The following FANCD2OS variants were observed in gnomAD, a reference collection of about 807,000 sequenced individuals.
FANCD2OS encodes the protein FANCD2 opposite strand.
A neutral mutation model predicts 13.2 loss-of-function variants in FANCD2OS; 11 were observed. The ratio of observed to expected loss-of-function variants is 0.83; its 90% confidence interval spans 0.52 to 1.38. The LOEUF (loss-of-function observed/expected upper bound fraction) is 1.38. FANCD2OS is among the 40% of genes most tolerant of loss of function. The pLI is 0.00. For synonymous variants in FANCD2OS, 69 were observed against 84.5 expected (o/e 0.82, Z 1.01); for missense variants, 217 against 213.9 (o/e 1.01, Z -0.09).
chr3:10,094,178 A>G (rs1242870782), intron 2 of FANCD2OS: 11 of 786,712 alleles, frequency 1.4e-5, no homozygotes, highest in African/African-American at 8.8e-5. Flanking sequence ...TTTGTTTTTT[A>G]TATATATAAA....
exon 3 of FANCD2OS, chr3:10,081,322 T>C (rs970382031): frequency 9.3e-6 from 15 of 1,611,344 alleles, no homozygotes; most frequent in African/African-American, 1.3e-5. Context: ...GAAGCAACTG[T>C]CCTAAAATCA....
chr3:10,090,225 G>T (rs1694502890), intron 2 of FANCD2OS: 5 of 1,214,142 alleles, frequency 4.1e-6, no homozygotes, highest in Non-Finnish European at 6.1e-6. Context: ...TTTGGTTCCT[G>T]GTTCTTCCCA....
rs1167081274 is a variant in FANCD2OS, at chr3:10,105,759, AAAAAAAAAAAAATTATATATATATAT to A, written c.-8-1003_-8-978del. The stretch of plus-strand genomic sequence containing the variant: ...GAGCAAGACTCCATCTAAAAAAAAA[AAAAAAAAAAAAATTATATATATATAT>A]ATATATATATATATATATATATATA... On this transcript the variant is annotated intron_variant, in intron 1 of 1. Transcript: ENST00000450660. Among the ~76,000 whole-genome samples, 35 of 69,186 alleles carry A rather than the reference AAAAAAAAAAAAATTATATATATATAT, an allele frequency of 5.1e-4. 2 individuals carry two copies. In the African/African-American group the frequency reaches 5.1e-3, roughly 10 times the overall value. 45.4% of individuals were successfully genotyped at this position (69,186 alleles called of 152,430 possible).
At chr3:10,090,753 C>T (rs1331011452) in intron 2 of FANCD2OS, among the ~76,000 whole-genome samples, 2 of 152,142 alleles carry the variant, frequency 1.3e-5, no homozygotes, top group Non-Finnish European at 2.9e-5. Context: ...CCACTGCGCC[C>T]GGTGGTAGTT....
At chr3:10,096,865 A>T in intron 2 of FANCD2OS, among the ~76,000 whole-genome samples, 1 of 152,176 alleles carries the variant, frequency 6.6e-6, no homozygotes, top group East Asian at 1.9e-4. Context: ...GTCTTATTCC[A>T]GAAATTACAA....
downstream of FANCD2OS, among the ~76,000 whole-genome samples, chr3:10,103,770 T>G (rs2125109003): frequency 6.6e-6 from 1 of 152,226 alleles, no homozygotes; most frequent in South Asian, 2.1e-4. Flanking sequence ...TAGGGTGTGG[T>G]TGGTTAGGGT....
At chr3:10,098,857 C>T (rs1415649585), downstream of FANCD2OS, 2 of 1,614,194 alleles carry the variant, frequency 1.2e-6, no homozygotes, top group East Asian at 2.2e-5. Flanking sequence ...CTGATGGTTG[C>T]ATTTTGTTAA....
At chr3:10,083,992 A>G (rs544005385) in intron 2 of FANCD2OS, among the ~76,000 whole-genome samples, 161 of 149,346 alleles carry the variant, frequency 1.1e-3, no homozygotes, top group African/African-American at 3.9e-3. Context: ...CTTGTTTCCC[A>G]TGCTTTTGTG....
At chr3:10,102,102 C>T (rs1430248346), downstream of FANCD2OS, among the ~76,000 whole-genome samples, 2 of 150,446 alleles carry the variant, frequency 1.3e-5, no homozygotes, top group African/African-American at 4.9e-5. Context: ...TGAGATATAT[C>T]TGATCTTTCT....
intron 2 of FANCD2OS, among the ~76,000 whole-genome samples, chr3:10,084,235 A>G (rs1273442850): frequency 6.7e-6 from 1 of 148,334 alleles, no homozygotes; most frequent in African/African-American, 2.5e-5. Context: ...CCCGTGATCT[A>G]CCCACCTCAG....
downstream of FANCD2OS, chr3:10,102,925 T>C (rs995727934): frequency 4.4e-6 from 1 of 228,952 alleles, no homozygotes; most frequent in Non-Finnish European, 9.0e-6. Context: ...ATGTAATGTT[T>C]ATTTCCATTT....
intron 2 of FANCD2OS, among the ~76,000 whole-genome samples, chr3:10,096,780 A>G (rs1235819524): frequency 1.3e-5 from 2 of 152,200 alleles, no homozygotes; most frequent in Non-Finnish European, 2.9e-5. Flanking sequence ...AGCCCCACTG[A>G]GGGTAGATTC....
rs1419879344 is a variant in FANCD2OS, at chr3:10,093,325, T to G, written c.*43+10873A>C. The G allele has an allele frequency of 8.1e-6, 13 of 1,610,746 alleles. No individual in the cohort carries two copies. The highest frequency in any genetic ancestry group is 1.0e-5 in the Non-Finnish European group (12 of 1,177,026). On this transcript the variant is annotated intron_variant, in intron 2 of 2. Transcript: ENST00000524279. ...CCTGTTCTGCATGTATGTTTGAAGG[T>G]GAGAGATTTACTGGGCCCTGTTTCA... is the stretch of plus-strand genomic sequence containing the variant.
chr3:10,095,731 A>G (rs1028631096), intron 2 of FANCD2OS, among the ~76,000 whole-genome samples: 1 of 152,236 alleles, frequency 6.6e-6, no homozygotes, highest in Non-Finnish European at 1.5e-5. Context: ...AAGCCTTCTT[A>G]TAGTTAATGA....
intron 2 of FANCD2OS, chr3:10,081,636 C>T (rs2125060659): frequency 1.5e-6 from 1 of 681,148 alleles, no homozygotes; most frequent in South Asian, 1.6e-5. Context: ...GATCTTGTAC[C>T]CTCTGAGTCC....
At chr3:10,092,939 G>T (rs1694741453) in intron 2 of FANCD2OS, among the ~76,000 whole-genome samples, 1 of 151,896 alleles carries the variant, frequency 6.6e-6, no homozygotes, top group South Asian at 2.1e-4. Context: ...TGATCCACCA[G>T]CCTCAGCCTC....
rs889750543 is a variant in FANCD2OS, at chr3:10,108,010, C to T, written c.-9+5G>A. The T allele has an allele frequency of 6.6e-6, 1 of 152,348 alleles. No individual in the cohort carries two copies. Among genetic ancestry groups the T allele is most frequent in the Non-Finnish European group, 1.5e-5 (1 of 68,142 alleles). The allele number at this position is 152,348 out of a possible 1,614,324, so 9.4% of individuals were successfully genotyped here. A position where few individuals can be genotyped will look rare whatever the true frequency, so the allele number is the denominator to read the frequency against. ...CCAAGGAACCCCATCTCTTGATTTC[C>T]CCACCTGGGAAACAGGGCGTTAGCG... On this transcript the variant is annotated splice_donor_5th_base_variant and intron_variant, in intron 1 of 1. Transcript: ENST00000450660.
At chr3:10,092,299 A>G (rs1428720643) in intron 2 of FANCD2OS, 1 of 1,426,674 alleles carries the variant, frequency 7.0e-7, no homozygotes, top group Admixed American at 1.7e-5. Flanking sequence ...AACTGCAGAA[A>G]CCAAGTGTCC....
intron 2 of FANCD2OS, chr3:10,083,738 A>C (rs537245323): frequency 2.0e-5 from 3 of 151,890 alleles, no homozygotes; most frequent in African/African-American, 4.8e-5. Flanking sequence ...AATACAAAAA[A>C]TTAGCCGAGC....
Sources: allele counts gnomAD v4.1 joint callset (sites outside exome capture counted in the v4.1 genomes callset), GRCh38; gene constraint gnomAD v4.1.1; transcripts MANE v1.5; gene names NCBI Gene and HGNC (gene_info 2026-07-23, HGNC 2026-07-21).